GBE1: variants seen among roughly 807,000 people sequenced by gnomAD.
GBE1 encodes 1,4-alpha-glucan-branching enzyme.
Under a neutral mutation model 88.8 loss-of-function variants are expected in GBE1, and 70 were observed. That is an observed-to-expected ratio of 0.79 (90% CI 0.65 to 0.96). The LOEUF is 0.96. Among genes scored for constraint, GBE1 ranks in the 40% least tolerant of loss-of-function variants. GBE1 has a pLI of 0.00. For synonymous variants in GBE1, 284 were observed against 300.1 expected (o/e 0.95, Z 0.56); for missense variants, 872 against 871.0 (o/e 1.00, Z -0.01).
chr3:81,726,216 A>T (rs1456471716), intron 1 of GBE1, among the ~76,000 whole-genome samples: 2 of 127,964 alleles, frequency 1.6e-5, no homozygotes. Context: ...ATCCCCCTTC[A>T]GGATGTTGCT....
chr3:81,717,955 T>TTTTATTTATTTA (rs57810073), intron 1 of GBE1, among the ~76,000 whole-genome samples: 83 of 147,068 alleles, frequency 5.6e-4, no homozygotes, highest in African/African-American at 1.1e-3. Context: ...GGAAATTTTA[T>TTTTATTTATTTA]TTTATTTATT....
rs1222610528 is a variant in GBE1, at chr3:81,490,243, T to A, written c.*164A>T. The A allele has an allele frequency of 1.6e-6, 1 of 614,254 alleles. No homozygotes were observed. The highest frequency in any genetic ancestry group is 2.9e-6 in the Non-Finnish European group (1 of 348,240). 38.1% of individuals were successfully genotyped at this position (614,254 alleles called of 1,614,324 possible). A position where few individuals can be genotyped will look rare whatever the true frequency, so the allele number is the denominator to read the frequency against. On this transcript the variant is annotated 3_prime_UTR_variant, in exon 16 of 16. Coordinates refer to ENST00000429644, the MANE Select transcript of GBE1 (RefSeq NM_000158.4). ...AAACATATTCTCCCATCTACTTAAA[T>A]AAAAGTTTGCTGTATTTGCATAAAC...
chr3:81,725,337 A>T (rs549102380), intron 1 of GBE1, among the ~76,000 whole-genome samples: 1 of 151,822 alleles, frequency 6.6e-6, no homozygotes, highest in Non-Finnish European at 1.5e-5. Flanking sequence ...TTCTTTCCTT[A>T]TATCTTTTGG....
chr3:81,761,325 T>G (rs1014663314), intron 1 of GBE1, 50 bp downstream of exon 1: 25 of 1,566,510 alleles, frequency 1.6e-5, no homozygotes, highest in African/African-American at 2.8e-5. Context: ...AGACGGCTCC[T>G]GGGAGGCGGG....
chr3:81,566,154 T>C (rs1052020727), intron 12 of GBE1, among the ~76,000 whole-genome samples: 1 of 152,202 alleles, frequency 6.6e-6, no homozygotes, highest in African/African-American at 2.4e-5. Flanking sequence ...CTATGCTCAC[T>C]ACAACTTCTG....
intron 7 of GBE1, among the ~76,000 whole-genome samples, chr3:81,617,311 C>T (rs1704261627): frequency 6.6e-6 from 1 of 151,764 alleles, no homozygotes; most frequent in Non-Finnish European, 1.5e-5. Context: ...GTCTTGTTCC[C>T]AAAGTTAGAA....
intron 3 of GBE1, among the ~76,000 whole-genome samples, chr3:81,666,542 T>C (rs1042569986): frequency 5.3e-5 from 8 of 152,216 alleles, no homozygotes; most frequent in Non-Finnish European, 7.4e-5. Flanking sequence ...CATATATGTA[T>C]GAAAGTTTAA....
intron 2 of GBE1, among the ~76,000 whole-genome samples, chr3:81,700,125 G>A (rs1164145489): frequency 1.3e-5 from 2 of 152,164 alleles, no homozygotes; most frequent in Non-Finnish European, 1.5e-5. Context: ...CCACTACAGC[G>A]AAAATGAACA....
intron 1 of GBE1, among the ~76,000 whole-genome samples, chr3:81,716,044 T>C (rs1225803066): frequency 1.3e-5 from 2 of 152,308 alleles, no homozygotes; most frequent in Non-Finnish European, 2.9e-5. Context: ...TTTAATCTTT[T>C]TAAATTTTAT....
chr3:81,574,847 T>C (rs955115240), intron 12 of GBE1, among the ~76,000 whole-genome samples: 17 of 152,282 alleles, frequency 1.1e-4, no homozygotes, highest in African/African-American at 3.6e-4. Flanking sequence ...TTCATTTAGA[T>C]AATAGATATG....
chr3:81,702,901 T>C (rs892420110), intron 2 of GBE1, among the ~76,000 whole-genome samples: 13 of 152,036 alleles, frequency 8.6e-5, no homozygotes, highest in Admixed American at 2.0e-4. Context: ...AAATGAGCAA[T>C]AGTCATTATG....
At position 81,705,614 on chromosome 3, in the gene GBE1, C is replaced by CAAAA; in HGVS notation, c.144-2_144-1insTTTT. On this transcript the variant is annotated splice_acceptor_variant, in intron 1 of 15. Transcript: ENST00000429644. LOFTEE classifies it high-confidence loss of function. ...CAAAATTTGGCTAAACTGCTTATAC[C>CAAAA]TTTGAAGAAGTATGAAAGAAAATGA... is the stretch of plus-strand genomic sequence containing the variant. 1 of 1,524,460 alleles carries CAAAA rather than the reference C, an allele frequency of 6.6e-7. No homozygotes were observed. 94.4% of individuals were successfully genotyped at this position (1,524,460 alleles called of 1,614,324 possible).
intron 2 of GBE1, among the ~76,000 whole-genome samples, chr3:81,680,092 A>T (rs191835948): frequency 2.6e-4 from 39 of 152,336 alleles, no homozygotes; most frequent in Admixed American, 5.2e-4. Flanking sequence ...GATCCTTGAA[A>T]ATATGTAATT....
rs187100917 is a variant in GBE1, at chr3:81,718,706, G to C, written c.144-13093C>G. ...GGCTGGAGTGAAATGGCACAATCTT[G>C]GCTCACCGCAACCTCCGCCTCCTGG... is the stretch of plus-strand genomic sequence containing the variant. On this transcript the variant is annotated intron_variant, in intron 1 of 15. Transcript: ENST00000429644. 6.6e-5 allele frequency among the ~76,000 whole-genome samples: 10 copies of C among 151,976 alleles called. No homozygotes were observed. The East Asian group carries it at 1.7e-3, about 26-fold the overall frequency.
chr3:81,541,324 T>C (rs911128529), intron 12 of GBE1, among the ~76,000 whole-genome samples: 23 of 151,656 alleles, frequency 1.5e-4, no homozygotes, highest in African/African-American at 5.3e-4. Flanking sequence ...CGATACAGCC[T>C]CAGAGGGTTC....
At chr3:81,650,427 C>T (rs1049122419) in intron 3 of GBE1, 1 of 152,526 alleles carries the variant, frequency 6.6e-6, no homozygotes, top group Admixed American at 6.5e-5. Context: ...ACATTTTCCA[C>T]ACCTTCTCAA....
In GBE1 at chr3:81,591,049, T is replaced by A; in HGVS notation, c.1224A>T (p.Ile408=). 4 of 1,609,214 alleles carry A rather than the reference T, an allele frequency of 2.5e-6. No homozygotes were observed. The East Asian group carries it at 8.9e-5, about 36-fold the overall frequency. Residue 408 remains isoleucine (I), a synonymous_variant, in exon 9 of 16, where the codon ATA becomes ATT. Transcript: ENST00000429644. ...ACTATGGCTTTACCTCAGCTATTGTTATAGAATCGGGACACAGCGTGTGAA... is the reference window on the plus strand; with the variant it reads ...ACTATGGCTTTACCTCAGCTATTGTAATAGAATCGGGACACAGCGTGTGAA... The part of the protein sequence containing the change: ...HLVHTLCPDS[I]TIAEDVSGMP...
At chr3:81,510,258 C>T (rs1702707130) in intron 14 of GBE1, among the ~76,000 whole-genome samples, 1 of 152,114 alleles carries the variant, frequency 6.6e-6, no homozygotes, top group South Asian at 2.1e-4. Context: ...AGTGCATAAA[C>T]TTTAATATAT....
chr3:81,726,660 C>T (rs1246584737), intron 1 of GBE1, among the ~76,000 whole-genome samples: 1 of 150,904 alleles, frequency 6.6e-6, no homozygotes, highest in Non-Finnish European at 1.5e-5. Flanking sequence ...CAGCTCCTAG[C>T]AACCTCTGCC....
Sources: allele counts gnomAD v4.1 joint callset (sites outside exome capture counted in the v4.1 genomes callset), GRCh38; gene constraint gnomAD v4.1.1; transcripts MANE v1.5; gene names NCBI Gene and HGNC (gene_info 2026-07-23, HGNC 2026-07-21).